Variants in CDK5RAP2 observed in about 807,000 individuals in gnomAD.
CDK5RAP2 encodes the protein CDK5 regulatory subunit associated protein 2.
In CDK5RAP2, 147 loss-of-function variants were observed where a neutral mutation model predicts 232.9. The ratio of observed to expected loss-of-function variants is 0.63; its 90% CI spans 0.55 to 0.72. The LOEUF is 0.72. CDK5RAP2 is among the 30% of genes least tolerant of loss of function. CDK5RAP2 has a pLI of 0.00. For synonymous variants in CDK5RAP2, 833 were observed against 833.7 expected (o/e 1.00, Z 0.01); for missense variants, 2,195 against 2,231.5 (o/e 0.98, Z 0.33).
chr9:120,557,985 C>A (rs990428476), intron 3 of CDK5RAP2, among the ~76,000 whole-genome samples: 1 of 148,990 alleles, frequency 6.7e-6, no homozygotes. Context: ...AGGCTGATCT[C>A]GAACTCCTGA....
intron 14 of CDK5RAP2, among the ~76,000 whole-genome samples, chr9:120,480,753 T>C (rs949080222): frequency 2.0e-5 from 3 of 152,160 alleles, no homozygotes; most frequent in Non-Finnish European, 4.4e-5. Flanking sequence ...GAGAATACTG[T>C]TGTGCTTCCA....
At chr9:120,414,291 G>A (rs1470602873) in intron 28 of CDK5RAP2, among the ~76,000 whole-genome samples, 1 of 152,152 alleles carries the variant, frequency 6.6e-6, no homozygotes, top group Admixed American at 6.5e-5. Context: ...GGACAGCAGG[G>A]TCCACACTCC....
chr9:120,507,922 AAAAAAAAAAAAAAAAAAAAAATATAT>A (rs1171326374), intron 12 of CDK5RAP2, among the ~76,000 whole-genome samples: 54 of 65,336 alleles, frequency 8.3e-4, no homozygotes, highest in African/African-American at 2.4e-3. Context: ...AAAAAAAAAA[AAAAAAAAAAAAAAAAAAAAAATATAT>A]ATATATATAT....
At chr9:120,524,306 T>C (rs1413481714) in intron 11 of CDK5RAP2, among the ~76,000 whole-genome samples, 4 of 152,180 alleles carry the variant, frequency 2.6e-5, no homozygotes, top group Non-Finnish European at 5.9e-5. Context: ...TTGCTAACTG[T>C]GTGACAGTGA....
intron 25 of CDK5RAP2, among the ~76,000 whole-genome samples, chr9:120,429,936 G>C (rs1171715992): frequency 1.3e-5 from 2 of 152,150 alleles, no homozygotes; most frequent in African/African-American, 4.8e-5. Flanking sequence ...GAACAGAACA[G>C]AGCCCTCAGA....
intron 18 of CDK5RAP2, among the ~76,000 whole-genome samples, chr9:120,463,927 T>C (rs760932580): frequency 2.6e-5 from 4 of 152,204 alleles, no homozygotes; most frequent in Non-Finnish European, 5.9e-5. Flanking sequence ...TGAGTCACTA[T>C]ACCTGGCTCG....
At position 120,388,985 on chromosome 9, in the gene CDK5RAP2, G is replaced by A. The variant is rs535755169; in HGVS notation, c.*251C>T. On this transcript the variant is annotated 3_prime_UTR_variant, in exon 38 of 38. Coordinates refer to ENST00000349780, the MANE Select transcript of CDK5RAP2 (RefSeq NM_018249.6). ...CACCAAGGCGCACAGCCTCAACTCCGGTGCCTGCCCCTGATCTGAAATACA... is the reference window on the plus strand; with the variant it reads ...CACCAAGGCGCACAGCCTCAACTCCAGTGCCTGCCCCTGATCTGAAATACA... The A allele has an allele frequency of 2.5e-4, 143 of 578,098 alleles. No individual in the cohort carries two copies. The highest frequency in any genetic ancestry group is 2.0e-3 in the African/African-American group (107 of 53,614). The allele number at this position is 578,098 out of a possible 1,614,324, so 35.8% of individuals were successfully genotyped here.
intron 12 of CDK5RAP2, among the ~76,000 whole-genome samples, chr9:120,498,730 T>C (rs545200522): frequency 5.3e-5 from 8 of 151,772 alleles, no homozygotes; most frequent in Non-Finnish European, 1.0e-4. Context: ...TATATATATA[T>C]ATATATATCA....
intron 32 of CDK5RAP2, among the ~76,000 whole-genome samples, 174 bp from the exon 33 acceptor site, chr9:120,404,287 G>C (rs1053382194): frequency 2.0e-5 from 3 of 152,198 alleles, no homozygotes; most frequent in Admixed American, 6.5e-5. Context: ...GGACACCAGG[G>C]AGACAGAGTG....
At chr9:120,471,943 A>C in intron 15 of CDK5RAP2, 65 bp from the exon 16 acceptor site, 2 of 1,605,602 alleles carry the variant, frequency 1.2e-6, no homozygotes, top group Non-Finnish European at 1.7e-6. Context: ...TGCAAAGCCC[A>C]GAAAGCCTTC....
chr9:120,443,783 G>C (rs375330619), intron 22 of CDK5RAP2, 41 bp from the exon 23 acceptor site: 1 of 1,612,102 alleles, frequency 6.2e-7, no homozygotes, highest in Non-Finnish European at 8.5e-7. Flanking sequence ...AAATAAAACC[G>C]TAAGACCTGA....
At chr9:120,521,746 C>T (rs2040672976) in intron 11 of CDK5RAP2, among the ~76,000 whole-genome samples, 1 of 150,562 alleles carries the variant, frequency 6.6e-6, no homozygotes, top group Admixed American at 6.6e-5. Context: ...CCCGGGTTCA[C>T]ACCATTCTCC....
At chr9:120,422,144 C>A (rs2034602261) in intron 26 of CDK5RAP2, among the ~76,000 whole-genome samples, 1 of 152,232 alleles carries the variant, frequency 6.6e-6, no homozygotes, top group Non-Finnish European at 1.5e-5. Flanking sequence ...GCAAGAATCA[C>A]TGACGCTGGG....
intron 12 of CDK5RAP2, among the ~76,000 whole-genome samples, chr9:120,499,433 G>A (rs568440223): frequency 6.6e-6 from 1 of 152,086 alleles, no homozygotes; most frequent in South Asian, 2.1e-4. Context: ...AGAAGTATCA[G>A]AACACATGAT....
At chr9:120,572,227 C>A (rs962150674) in intron 1 of CDK5RAP2, among the ~76,000 whole-genome samples, 186 bp from the exon 2 acceptor site, 5 of 152,160 alleles carry the variant, frequency 3.3e-5, no homozygotes, top group Admixed American at 6.5e-5. Flanking sequence ...AGCTCCAACA[C>A]TTGATAGCTG....
chr9:120,418,775 T>C (rs1328060732), intron 27 of CDK5RAP2, among the ~76,000 whole-genome samples: 1 of 152,162 alleles, frequency 6.6e-6, no homozygotes, highest in African/African-American at 2.4e-5. Context: ...GACTTCACAC[T>C]CTAGGTATGT....
At chr9:120,544,198 T>G (rs956811798) in intron 5 of CDK5RAP2, among the ~76,000 whole-genome samples, 1 of 151,942 alleles carries the variant, frequency 6.6e-6, no homozygotes, top group Admixed American at 6.6e-5. Context: ...TATTGAGGAG[T>G]GTATGCAAGC....
rs1343728654 is a variant in CDK5RAP2, at chr9:120,453,665, C to T, written c.2584G>A (p.Glu862Lys). The part of the protein sequence containing the change: ...SCEAQLVKAG[E>K]VPKVGLKDAS... The stretch of plus-strand genomic sequence containing the variant: ...TCTTTCAGTCCTACCTTGGGCACTT[C>T]GCCTGCCTTTACTAGCTGGGCCTCA... Residue 862 changes from glutamate to lysine, a missense_variant, in exon 21 of 38, where the codon GAA (glutamate) becomes AAA (lysine). Coordinates refer to ENST00000349780, the MANE Select transcript of CDK5RAP2 (RefSeq NM_018249.6). The T allele has an allele frequency of 9.3e-6, 15 of 1,614,192 alleles. No homozygotes were observed. Among genetic ancestry groups the T allele is most frequent in the Non-Finnish European group, 1.2e-5 (14 of 1,180,034 alleles).
At chr9:120,452,217 A>G (rs568618764) in intron 21 of CDK5RAP2, among the ~76,000 whole-genome samples, 1 of 150,890 alleles carries the variant, frequency 6.6e-6, no homozygotes, top group African/African-American at 2.5e-5. Flanking sequence ...TTGCATTTCT[A>G]GTACCGTTAA....
Sources: gnomAD v4.1 joint callset for allele counts (sites outside exome capture counted in the v4.1 genomes callset) on GRCh38, gnomAD v4.1.1 for gene constraint, MANE v1.5 for transcripts, NCBI Gene and HGNC (gene_info 2026-07-23, HGNC 2026-07-21) for gene names.